The following UNC13A variants were observed in gnomAD, a reference collection of about 807,000 sequenced individuals.
UNC13A encodes protein unc-13 homolog A.
UNC13A carries 61 observed loss-of-function variants against 219.7 expected under a neutral mutation model. The observed-to-expected ratio is 0.28, with a 90% CI of 0.23 to 0.34. The LOEUF is 0.34. Ranked by LOEUF, UNC13A falls within the 10% of genes least tolerant of loss-of-function variation. UNC13A has a pLI of 1.00. For synonymous variants in UNC13A, 920 were observed against 884.6 expected (o/e 1.04, Z -0.71); for missense variants, 1,476 against 2,270.3 (o/e 0.65, Z 7.11).
chr19:17,688,284 C>A lies in UNC13A; in HGVS notation c.-85G>T. ...GCGGCCGCTGGGCTGGGGCATCTCC[C>A]GGCTGCAGCCCGCGCTTGGCTCACG... On this transcript the variant is annotated 5_prime_UTR_variant, in exon 1 of 44. Coordinates refer to ENST00000519716, the MANE Select transcript of UNC13A (RefSeq NM_001080421.3). 7.4e-7 allele frequency: 1 copy of A among 1,358,194 alleles called. No homozygotes were observed. The highest frequency in any genetic ancestry group is 9.5e-7 in the Non-Finnish European group (1 of 1,055,630). 84.1% of individuals were successfully genotyped at this position (1,358,194 alleles called of 1,614,324 possible).
Position 17,604,725 on chromosome 19 carries a change from T to G in UNC13A, c.*1329A>C, listed in dbSNP as rs1365519146. On this transcript the variant is annotated 3_prime_UTR_variant, in exon 44 of 44. Coordinates refer to ENST00000519716, the MANE Select transcript of UNC13A (RefSeq NM_001080421.3). ...TGTGCACCAGGTAACTCCAGCCAGG[T>G]CACTGTAACTTTGCTCATTGGAGAA... 6.6e-6 allele frequency: 1 copy of G among 152,298 alleles called. No homozygotes were observed. The highest frequency in any genetic ancestry group is 1.5e-5 in the Non-Finnish European group (1 of 68,080). The allele number at this position is 152,298 out of a possible 1,614,324, so 9.4% of individuals were successfully genotyped here.
At chr19:17,685,080 C>G (rs931599809) in intron 1 of UNC13A, among the ~76,000 whole-genome samples, 3 of 152,114 alleles carry the variant, frequency 2.0e-5, no homozygotes, top group Non-Finnish European at 4.4e-5. Context: ...CAAGTGTTGT[C>G]ATGTGCATAC....
chr19:17,656,980 T>G (rs11672974), intron 9 of UNC13A, among the ~76,000 whole-genome samples: 137,711 of 151,992 alleles, frequency 0.91, 63,163 homozygotes, highest in African/African-American at 0.98. Flanking sequence ...AGGTCTCCTG[T>G]CCTCCACCTG....
At chr19:17,626,953 G>T (rs577426258) in intron 33 of UNC13A, among the ~76,000 whole-genome samples, 168 bp from the exon 34 acceptor site, 32 of 152,278 alleles carry the variant, frequency 2.1e-4, no homozygotes, top group African/African-American at 7.0e-4. Context: ...AAGCACTTTG[G>T]GAGGCCAAGG....
Position 17,602,001 on chromosome 19 carries a change from A to G in UNC13A, c.*4053T>C, listed in dbSNP as rs1463908275. 1 of 152,502 alleles carries G rather than the reference A, an allele frequency of 6.6e-6. No homozygotes were observed. The highest frequency in any genetic ancestry group is 1.5e-5 in the Non-Finnish European group (1 of 68,060). The allele number at this position is 152,502 out of a possible 1,614,324, so 9.4% of individuals were successfully genotyped here. A position where few individuals can be genotyped will look rare whatever the true frequency, so the allele number is the denominator to read the frequency against. On this transcript the variant is annotated 3_prime_UTR_variant, in exon 44 of 44. Transcript: ENST00000519716. Reference sequence around the variant, plus strand: ...TCCCCATCTGCAAAATCGACAGCACATGGGGTAGGGGTAGGGGACAGAAAG... The same window carrying G: ...TCCCCATCTGCAAAATCGACAGCACGTGGGGTAGGGGTAGGGGACAGAAAG...
intron 7 of UNC13A, among the ~76,000 whole-genome samples, chr19:17,664,998 G>T (rs2079615216): frequency 6.6e-6 from 1 of 152,118 alleles, no homozygotes; most frequent in African/African-American, 2.4e-5. Context: ...TAAAAAATTT[G>T]AGACCAGCCT....
intron 1 of UNC13A, among the ~76,000 whole-genome samples, chr19:17,680,665 C>T (rs536477002): frequency 2.0e-4 from 31 of 151,904 alleles, no homozygotes; most frequent in Non-Finnish European, 4.3e-4. Flanking sequence ...CCTTCCCTCT[C>T]CTTTCTCCTC....
intron 26 of UNC13A, among the ~76,000 whole-genome samples, chr19:17,633,504 A>G (rs995121804): frequency 6.6e-6 from 1 of 151,948 alleles, no homozygotes; most frequent in African/African-American, 2.4e-5. Context: ...TCACCCACTC[A>G]TGCAACTGTC....
intron 8 of UNC13A, among the ~76,000 whole-genome samples, chr19:17,659,259 A>G (rs1332690369): frequency 6.6e-6 from 1 of 151,966 alleles, no homozygotes; most frequent in East Asian, 1.9e-4. Context: ...CCTGGGCAAC[A>G]TACCAAGACC....
At chr19:17,611,420 C>T (rs992299281) in intron 42 of UNC13A, among the ~76,000 whole-genome samples, 6 of 152,154 alleles carry the variant, frequency 3.9e-5, no homozygotes, top group Non-Finnish European at 8.8e-5. Flanking sequence ...TGGCCTGATC[C>T]GCCAGCTTTG....
chr19:17,646,979 A>G (rs549081376), intron 17 of UNC13A, among the ~76,000 whole-genome samples: 1 of 152,202 alleles, frequency 6.6e-6, no homozygotes, highest in South Asian at 2.1e-4. Context: ...CCTCACCAGG[A>G]CTTTCTGGGG....
chr19:17,631,517 G>A (rs1222461241), intron 28 of UNC13A, among the ~76,000 whole-genome samples: 1 of 151,720 alleles, frequency 6.6e-6, no homozygotes, highest in East Asian at 2.0e-4. Context: ...ATGAGCCACC[G>A]CATCCAGCCA....
At chr19:17,653,256 G>A (rs1163035386) in intron 11 of UNC13A, among the ~76,000 whole-genome samples, 2 of 151,972 alleles carry the variant, frequency 1.3e-5, no homozygotes, top group East Asian at 3.9e-4. Context: ...CTGGCCTCAT[G>A]TGATCTTCCT....
At chr19:17,665,741 T>C (rs1272509705) in intron 7 of UNC13A, among the ~76,000 whole-genome samples, 2 of 152,230 alleles carry the variant, frequency 1.3e-5, no homozygotes, top group African/African-American at 2.4e-5. Flanking sequence ...TGACGTGGGC[T>C]GCTCGGGGTT....
intron 8 of UNC13A, among the ~76,000 whole-genome samples, chr19:17,661,213 A>G (rs1265157525): frequency 1.8e-4 from 27 of 151,472 alleles, no homozygotes; most frequent in Admixed American, 1.8e-3. Context: ...TGTTGGAATT[A>G]CAGGTGTGAG....
In UNC13A at chr19:17,672,279, A is replaced by G. The variant is rs1043904436; in HGVS notation, c.270+99T>C. The G allele has an allele frequency of 4.0e-5, 37 of 929,114 alleles. 2 individuals are homozygous for G. In the South Asian group the frequency reaches 5.0e-4, roughly 13 times the overall value. The allele number at this position is 929,114 out of a possible 1,614,324, so 57.6% of individuals were successfully genotyped here. On this transcript the variant is annotated intron_variant, in intron 4 of 43. Transcript: ENST00000519716. ...CCCAAGTGTCTACATTGATGTTGTC[A>G]GGGGATAGGAGATAAATGCCCATCT...
At chr19:17,643,772 T>C (rs2076995345) in intron 19 of UNC13A, among the ~76,000 whole-genome samples, 1 of 152,152 alleles carries the variant, frequency 6.6e-6, no homozygotes, top group Non-Finnish European at 1.5e-5. Flanking sequence ...TTCCTGGCTA[T>C]GTGCCTCCCT....
chr19:17,644,989 C>T (rs913882645), intron 19 of UNC13A, among the ~76,000 whole-genome samples: 10 of 148,962 alleles, frequency 6.7e-5, no homozygotes, highest in African/African-American at 2.0e-4. Flanking sequence ...AGCCACTGCC[C>T]GGCGCCCCCA....
chr19:17,611,147 T>C (rs2076599450), intron 42 of UNC13A, among the ~76,000 whole-genome samples: 1 of 152,214 alleles, frequency 6.6e-6, no homozygotes, highest in Non-Finnish European at 1.5e-5. Context: ...GGCTGGTTGC[T>C]ACTTAAACTG....
Sources: gnomAD v4.1 joint callset for allele counts (sites outside exome capture counted in the v4.1 genomes callset) on GRCh38, gnomAD v4.1.1 for gene constraint, MANE v1.5 for transcripts, NCBI Gene and HGNC (gene_info 2026-07-23, HGNC 2026-07-21) for gene names.